TBPL2: variants seen among roughly 807,000 people sequenced by gnomAD.
TBPL2 encodes TATA box-binding protein-like 2.
In TBPL2, 40 loss-of-function variants were observed where a neutral mutation model predicts 38.2. That is an observed-to-expected ratio of 1.05 (90% CI 0.81 to 1.36). The LOEUF is 1.36. Among genes scored for constraint, TBPL2 ranks in the 40% most tolerant of loss-of-function variants. TBPL2 has a pLI of 0.00. For synonymous variants in TBPL2, 169 were observed against 171.7 expected, an observed-to-expected ratio of 0.98 and a Z score of 0.12; for missense variants, 461 against 456.7, an observed-to-expected ratio of 1.01 and a Z score of -0.09.
chr14:55,429,939 C>T (rs1157755021), intron 4 of TBPL2, among the ~76,000 whole-genome samples: 1 of 151,968 alleles, frequency 6.6e-6, no homozygotes, highest in African/African-American at 2.4e-5. Context: ...ATGAAAATAC[C>T]TCAAAACCCC....
intron 4 of TBPL2, among the ~76,000 whole-genome samples, chr14:55,429,413 G>A (rs1885887165): frequency 6.6e-6 from 1 of 152,188 alleles, no homozygotes; most frequent in South Asian, 2.1e-4. Flanking sequence ...CTAGGTAACT[G>A]TGCTGCTCAC....
At chr14:55,433,203 A>T (rs1017353234) in intron 4 of TBPL2, among the ~76,000 whole-genome samples, 2 of 151,928 alleles carry the variant, frequency 1.3e-5, no homozygotes, top group African/African-American at 4.8e-5. Flanking sequence ...ATCATAGCTC[A>T]TTGCAGCCTC....
intron 4 of TBPL2, among the ~76,000 whole-genome samples, chr14:55,432,300 C>G (rs1469461108): frequency 6.7e-6 from 1 of 149,836 alleles, no homozygotes; most frequent in Non-Finnish European, 1.5e-5. Flanking sequence ...GTGGTCCCAG[C>G]TACTTAAGAG....
At chr14:55,420,482 T>C (rs889287792) in intron 6 of TBPL2, among the ~76,000 whole-genome samples, 2 of 152,170 alleles carry the variant, frequency 1.3e-5, no homozygotes, top group African/African-American at 2.4e-5. Flanking sequence ...TTTAAGACAG[T>C]ATAGCATGAA....
intron 4 of TBPL2, among the ~76,000 whole-genome samples, chr14:55,430,983 A>G (rs893137115): frequency 1.3e-5 from 2 of 152,218 alleles, no homozygotes; most frequent in African/African-American, 4.8e-5. Context: ...TGAAACAACT[A>G]ATAGTTGAAA....
At chr14:55,436,477 T>C in intron 2 of TBPL2, 84 bp downstream of exon 2, 1 of 1,188,926 alleles carries the variant, frequency 8.4e-7, no homozygotes, top group Non-Finnish European at 1.2e-6. Context: ...TTCCCTACTA[T>C]TATCCTGAAA....
At chr14:55,437,514 GAA>G (rs1886036046) in intron 1 of TBPL2, among the ~76,000 whole-genome samples, 1 of 152,180 alleles carries the variant, frequency 6.6e-6, no homozygotes, top group South Asian at 2.1e-4. Flanking sequence ...ACACTTAATG[GAA>G]ACAGAAAAGA....
rs74053916 is a variant in TBPL2 at position 55,426,496 on chromosome 14, G to C, written c.957-2243C>G. Reference sequence around the variant, plus strand: ...ATAATTATAACTGATTATGTAGCATGGTTCCCCACAGAGCTACAGACAATT... The same window carrying C: ...ATAATTATAACTGATTATGTAGCATCGTTCCCCACAGAGCTACAGACAATT... On this transcript the variant is annotated intron_variant, in intron 5 of 6. Transcript: ENST00000247219. 2.7e-4 allele frequency among the ~76,000 whole-genome samples: 41 copies of C among 152,146 alleles called. 1 individual carries two copies. Among genetic ancestry groups the C allele is most frequent in the African/African-American group, 9.4e-4 (39 of 41,506 alleles).
At chr14:55,414,555 TGAC>T (rs1885641479) in intron 6 of TBPL2, 100 bp from the exon 7 acceptor site, 4 of 860,072 alleles carry the variant, frequency 4.7e-6, no homozygotes, top group Non-Finnish European at 7.0e-6. Context: ...ACTTTTAATA[TGAC>T]ATCTCTTTAG....
exon 2 of TBPL2, chr14:55,436,614 G>A: frequency 6.2e-7 from 1 of 1,614,232 alleles, no homozygotes; most frequent in South Asian, 1.1e-5. Context: ...TTGGTGTCAT[G>A]GGAGTTATGG....
chr14:55,439,491 T>C (rs1190383309), intron 1 of TBPL2, among the ~76,000 whole-genome samples: 5 of 113,998 alleles, frequency 4.4e-5, no homozygotes, highest in African/African-American at 6.6e-5. Context: ...GTGCATGTCC[T>C]TTAGAACCAG....
intron 6 of TBPL2, among the ~76,000 whole-genome samples, chr14:55,422,311 T>C (rs1885756429): frequency 6.6e-6 from 1 of 152,120 alleles, no homozygotes; most frequent in African/African-American, 2.4e-5. Flanking sequence ...GACTACGCGA[T>C]CTCAGCTCAC....
intron 4 of TBPL2, among the ~76,000 whole-genome samples, chr14:55,429,600 C>T (rs1269161870): frequency 2.0e-5 from 3 of 151,912 alleles, no homozygotes; most frequent in Non-Finnish European, 4.4e-5. Flanking sequence ...GCTGTCTCTA[C>T]TAAAAATACA....
intron 5 of TBPL2, among the ~76,000 whole-genome samples, chr14:55,426,616 C>T (rs1347091904): frequency 1.3e-5 from 2 of 151,934 alleles, no homozygotes; most frequent in Non-Finnish European, 2.9e-5. Flanking sequence ...AATCCATAAC[C>T]TGAGGCTGAC....
intron 1 of TBPL2, among the ~76,000 whole-genome samples, chr14:55,438,333 G>A (rs1022641269): frequency 6.6e-6 from 1 of 152,134 alleles, no homozygotes; most frequent in Non-Finnish European, 1.5e-5. Flanking sequence ...ACAAAATCAA[G>A]CTATTCTCTT....
At chr14:55,432,974 G>A (rs956522988) in intron 4 of TBPL2, among the ~76,000 whole-genome samples, 13 of 152,176 alleles carry the variant, frequency 8.5e-5, no homozygotes, top group African/African-American at 3.1e-4. Context: ...TATCTGCAAT[G>A]AGGAAAATCC....
chr14:55,423,285 T>C (rs1285288990), intron 6 of TBPL2, among the ~76,000 whole-genome samples: 2 of 152,236 alleles, frequency 1.3e-5, no homozygotes, highest in African/African-American at 4.8e-5. Flanking sequence ...TTTAGATACA[T>C]TGCATTTAAG....
In TBPL2 at chr14:55,436,697, G is replaced by A. The variant is rs760688781; in HGVS notation, c.472C>T (p.Leu158=). 3.1e-6 allele frequency: 5 copies of A among 1,614,102 alleles called. No homozygotes were observed. The African/African-American group carries it at 6.7e-5, about 22-fold the overall frequency. ...ACTGAGTCAGTATCACCAGGGTGCA[G>A]CTGTGAATGGGAATTTGACAAACTG... Residue 158 remains leucine, a synonymous_variant, in exon 2 of 7, where the codon CTG becomes TTG. Transcript: ENST00000247219.
rs1048782468 is a variant in TBPL2, at chr14:55,424,312, C to G, written c.957-59G>C. ...GCACTATTCAGCTCCTTTCCCATAA[C>G]ATGTAAGGCCCAGTATATTAAAGTG... On this transcript the variant is annotated intron_variant, in intron 5 of 6. Coordinates refer to ENST00000247219, the Ensembl canonical transcript of TBPL2. 6 of 1,082,534 alleles carry G rather than the reference C, an allele frequency of 5.5e-6. No individual in the cohort carries two copies. In the African/African-American group the frequency reaches 9.4e-5, roughly 17 times the overall value. 67.1% of individuals were successfully genotyped at this position (1,082,534 alleles called of 1,614,324 possible).
Sources: gnomAD v4.1 joint callset for allele counts (sites outside exome capture counted in the v4.1 genomes callset) on GRCh38, gnomAD v4.1.1 for gene constraint, MANE v1.5 for transcripts, NCBI Gene and HGNC (gene_info 2026-07-23, HGNC 2026-07-21) for gene names.